FAM13A: variants seen among roughly 807,000 people sequenced by gnomAD.
FAM13A encodes the protein protein FAM13A.
A neutral mutation model predicts 129.6 loss-of-function variants in FAM13A; 76 were observed. The ratio of observed to expected loss-of-function variants is 0.59; its 90% CI spans 0.49 to 0.71. FAM13A has a LOEUF of 0.71. FAM13A is among the 30% of genes least tolerant of loss of function. The pLI is 0.00. For missense variants in FAM13A, 1,108 were observed against 1,249.3 expected, an observed-to-expected ratio of 0.89 and a Z score of 1.70; for synonymous variants, 443 against 449.9, an observed-to-expected ratio of 0.98 and a Z score of 0.20.
chr4:88,872,281 T>A (rs761889905), intron 6 of FAM13A, among the ~76,000 whole-genome samples: 1 of 152,250 alleles, frequency 6.6e-6, no homozygotes, highest in Admixed American at 6.5e-5. Context: ...CAGGATCAAA[T>A]TCACACATAA....
rs746998928 is a variant in FAM13A, at chr4:88,851,138, G to A, written c.889C>T (p.Leu297=). The A allele has an allele frequency of 2.0e-5, 32 of 1,612,926 alleles. No individual in the cohort carries two copies. The highest frequency in any genetic ancestry group is 2.6e-5 in the Non-Finnish European group (31 of 1,179,702). The change falls in exon 7 of 24, where the codon CTG becomes TTG. Residue 297 remains leucine, a synonymous_variant. Transcript: ENST00000264344. The stretch of plus-strand genomic sequence containing the variant: ...ATGCCATCAGATAGCTCTGGTTGCA[G>A]TACTCTGTGGGCCTGAATAGATCCC... ...SEGSIQAHRV[L]QPELSDGIPQ... is the part of the protein sequence containing the mutation.
rs184810819 is a variant in FAM13A, at chr4:88,833,149, T to A, written c.1007+17871A>T. Among the ~76,000 whole-genome samples, 381 of 152,150 alleles carry A rather than the reference T, an allele frequency of 2.5e-3. 1 individual carries two copies. The highest frequency in any genetic ancestry group is 8.6e-3 in the African/African-American group (358 of 41,498). On this transcript the variant is annotated intron_variant, in intron 7 of 23. Coordinates refer to ENST00000264344, the MANE Select transcript of FAM13A (RefSeq NM_014883.4). Reference sequence around the variant, plus strand: ...CAGAAACAGAAAATCAAATACCAAATGTTCTCACGTATAAGTGGGAGCTGA... The same window carrying A: ...CAGAAACAGAAAATCAAATACCAAAAGTTCTCACGTATAAGTGGGAGCTGA...
At chr4:88,769,894 A>C (rs995465717) in intron 11 of FAM13A, among the ~76,000 whole-genome samples, 2 of 151,964 alleles carry the variant, frequency 1.3e-5, no homozygotes, top group African/African-American at 4.8e-5. Flanking sequence ...TATTATTATT[A>C]ATATAATTAA....
chr4:88,910,614 C>T (rs941976877), intron 5 of FAM13A, among the ~76,000 whole-genome samples: 4 of 151,920 alleles, frequency 2.6e-5, no homozygotes, highest in African/African-American at 9.7e-5. Flanking sequence ...TTCCCCATAG[C>T]CCTTAGAAAT....
chr4:88,922,655 A>G (rs1284659492), intron 5 of FAM13A, among the ~76,000 whole-genome samples: 1 of 152,220 alleles, frequency 6.6e-6, no homozygotes, highest in Non-Finnish European at 1.5e-5. Context: ...GAAAAGCAAG[A>G]GCAAACACAT....
chr4:88,840,361 A>G (rs1307948232), intron 7 of FAM13A, among the ~76,000 whole-genome samples: 1 of 152,222 alleles, frequency 6.6e-6, no homozygotes, highest in East Asian at 1.9e-4. Context: ...ATTTGCTCCA[A>G]CGGAGAAGAG....
chr4:88,848,861 A>T (rs1737106397), intron 7 of FAM13A, among the ~76,000 whole-genome samples: 1 of 152,148 alleles, frequency 6.6e-6, no homozygotes, highest in South Asian at 2.1e-4. Context: ...CTTCCCCTAC[A>T]TTCTACATTG....
chr4:88,777,320 A>G (rs1338670524), intron 11 of FAM13A, among the ~76,000 whole-genome samples: 1 of 152,216 alleles, frequency 6.6e-6, no homozygotes, highest in Non-Finnish European at 1.5e-5. Flanking sequence ...AGAAAATAAA[A>G]TAGGCAGAGA....
chr4:89,022,611 C>T (rs563073557), intron 2 of FAM13A, among the ~76,000 whole-genome samples: 5 of 152,280 alleles, frequency 3.3e-5, no homozygotes, highest in Admixed American at 1.3e-4. Context: ...TCGTACCACA[C>T]CCATTATAAT....
chr4:88,804,990 C>A, intron 8 of FAM13A, 21 bp downstream of exon 8: 1 of 1,472,472 alleles, frequency 6.8e-7, no homozygotes, highest in Non-Finnish European at 9.5e-7. Flanking sequence ...TGTAGTAGAC[C>A]AACAAAAATC....
intron 3 of FAM13A, among the ~76,000 whole-genome samples, chr4:88,998,432 G>A (rs1763838327): frequency 6.6e-6 from 1 of 152,060 alleles, no homozygotes; most frequent in South Asian, 2.1e-4. Context: ...TACAAAGTTA[G>A]CTATTATTGT....
At chr4:88,966,076 G>T (rs779675685) in intron 4 of FAM13A, among the ~76,000 whole-genome samples, 2 of 152,320 alleles carry the variant, frequency 1.3e-5, no homozygotes, top group Non-Finnish European at 2.9e-5. Context: ...TTACCCAGAA[G>T]TGGATCATGT....
chr4:89,035,192 A>C (rs963934080), intron 1 of FAM13A, among the ~76,000 whole-genome samples: 2 of 152,094 alleles, frequency 1.3e-5, no homozygotes, highest in African/African-American at 4.8e-5. Context: ...AAAAGGGAGG[A>C]GAGAGGGAGA....
chr4:88,767,108 A>T (rs536466664), intron 13 of FAM13A, among the ~76,000 whole-genome samples: 1 of 152,332 alleles, frequency 6.6e-6, no homozygotes, highest in East Asian at 1.9e-4. Flanking sequence ...TGTTTATTTA[A>T]GATGAGAGAC....
intron 8 of FAM13A, among the ~76,000 whole-genome samples, chr4:88,796,165 T>C (rs1726133781): frequency 6.6e-6 from 1 of 151,876 alleles, no homozygotes; most frequent in East Asian, 1.9e-4. Flanking sequence ...TTAAAATAAG[T>C]TTAGACTTTA....
intron 3 of FAM13A, among the ~76,000 whole-genome samples, chr4:89,000,748 T>C (rs7680864): frequency 0.79 from 120,943 of 152,246 alleles, 48,277 homozygotes; most frequent in Middle Eastern, 0.87. Context: ...GGGAAAAAAT[T>C]AAGCATGGGA....
At chr4:88,868,082 A>G (rs372726365) in intron 6 of FAM13A, among the ~76,000 whole-genome samples, 3 of 152,226 alleles carry the variant, frequency 2.0e-5, no homozygotes, top group East Asian at 3.8e-4. Context: ...TGATCTTGAA[A>G]AAAAAGATGA....
intron 4 of FAM13A, among the ~76,000 whole-genome samples, chr4:88,956,937 T>C (rs551893630): frequency 2.6e-5 from 4 of 152,284 alleles, no homozygotes; most frequent in African/African-American, 9.6e-5. Context: ...TGGGAGGTGT[T>C]TGGATCATGA....
At chr4:88,841,703 AAC>A (rs1050781704) in intron 7 of FAM13A, among the ~76,000 whole-genome samples, 4 of 152,190 alleles carry the variant, frequency 2.6e-5, no homozygotes, top group Non-Finnish European at 5.9e-5. Context: ...TGCAAATCAA[AAC>A]ACAATGAGAC....
Sources: allele counts gnomAD v4.1 joint callset (sites outside exome capture counted in the v4.1 genomes callset), GRCh38; gene constraint gnomAD v4.1.1; transcripts MANE v1.5; gene names NCBI Gene and HGNC (gene_info 2026-07-23, HGNC 2026-07-21).